COLEC10: variants seen among roughly 807,000 people sequenced by gnomAD.
COLEC10 encodes the protein collectin subfamily member 10, also known as collectin-10.
A neutral mutation model predicts 28.4 loss-of-function variants in COLEC10; 22 were observed. The observed-to-expected ratio is 0.78, with a 90% CI of 0.55 to 1.11. The LOEUF is 1.11. Ranked by LOEUF, COLEC10 falls within the 50% of genes least tolerant of loss-of-function variation. The probability of loss-of-function intolerance (pLI) is 0.00; values close to 1 mark genes in which losing one functional copy is unlikely to be tolerated. For missense variants in COLEC10, 361 were observed against 344.1 expected (o/e 1.05, Z -0.39); for synonymous variants, 125 against 116.1 (o/e 1.08, Z -0.49).
At chr8:118,978,959 C>G in the COLEC10 span, among the ~76,000 whole-genome samples, 1 of 151,826 alleles carries the variant, frequency 6.6e-6, no homozygotes, top group African/African-American at 2.4e-5. Flanking sequence ...ACCAGTTTGT[C>G]GCTTATCTTC....
intron 3 of COLEC10, 116 bp from the exon 4 acceptor site, chr8:119,102,217 TCCCTCCCTCCCTCCC>T: frequency 3.9e-5 from 1 of 25,566 alleles, no homozygotes; most frequent in Non-Finnish European, 7.2e-5. Flanking sequence ...CCTTCCTCCC[TCCCTCCCTCCCTCCC>T]TCCCTCCCTC....
intron 2 of COLEC10, among the ~76,000 whole-genome samples, chr8:119,059,224 A>G (rs1814812951): frequency 6.6e-6 from 1 of 151,390 alleles, no homozygotes; most frequent in South Asian, 2.1e-4. Flanking sequence ...TTGATGCAGT[A>G]TAATTCATCA....
the COLEC10 span, among the ~76,000 whole-genome samples, chr8:118,954,257 G>A: frequency 6.6e-6 from 1 of 152,214 alleles, no homozygotes; most frequent in Non-Finnish European, 1.5e-5. Context: ...ACTGTGTATT[G>A]ATTGTGCATC....
At chr8:118,989,240 G>T in the COLEC10 span, among the ~76,000 whole-genome samples, 1 of 152,070 alleles carries the variant, frequency 6.6e-6, no homozygotes, top group African/African-American at 2.4e-5. Context: ...CATTAGTAGC[G>T]TGGACATAGC....
the COLEC10 span, among the ~76,000 whole-genome samples, chr8:118,957,329 T>A: frequency 1.3e-5 from 2 of 152,228 alleles, no homozygotes; most frequent in Admixed American, 1.3e-4. Flanking sequence ...AGAGCGGTGA[T>A]GTCTATGACA....
chr8:119,046,042 T>C (rs574197436), intron 2 of COLEC10, among the ~76,000 whole-genome samples: 14 of 152,334 alleles, frequency 9.2e-5, no homozygotes, highest in African/African-American at 3.4e-4. Flanking sequence ...TAGCTTTGGT[T>C]GAGGGGTAGA....
intron 2 of COLEC10, among the ~76,000 whole-genome samples, chr8:119,050,734 C>A (rs926993361): frequency 7.9e-5 from 12 of 152,188 alleles, no homozygotes; most frequent in African/African-American, 2.6e-4. Context: ...AGGAAGTCTG[C>A]CACTGTGGAA....
intron 2 of COLEC10, among the ~76,000 whole-genome samples, chr8:119,090,648 G>A (rs1214406401): frequency 1.3e-5 from 2 of 152,190 alleles, no homozygotes; most frequent in African/African-American, 2.4e-5. Flanking sequence ...CCTAACCATA[G>A]TTTTTTGAAT....
intron 2 of COLEC10, among the ~76,000 whole-genome samples, chr8:119,016,490 T>G (rs2130096215): frequency 6.6e-6 from 1 of 152,282 alleles, no homozygotes; most frequent in South Asian, 2.1e-4. Flanking sequence ...TAAACATATG[T>G]GTGCATGTGT....
chr8:118,985,990 G>T, the COLEC10 span, among the ~76,000 whole-genome samples: 1 of 152,098 alleles, frequency 6.6e-6, no homozygotes, highest in Non-Finnish European at 1.5e-5. Context: ...CATCTTTGGA[G>T]CCAGAGTGCA....
At chr8:118,967,018 T>C in the COLEC10 span, among the ~76,000 whole-genome samples, 6 of 152,166 alleles carry the variant, frequency 3.9e-5, no homozygotes, top group Non-Finnish European at 7.4e-5. Context: ...TTTGAGTTCC[T>C]AGATTGCTCC....
chr8:118,961,019 G>A, the COLEC10 span, among the ~76,000 whole-genome samples: 1 of 151,996 alleles, frequency 6.6e-6, no homozygotes, highest in African/African-American at 2.4e-5. Flanking sequence ...CTTTAAGTAG[G>A]CATTATCAAC....
chr8:118,998,146 G>A (rs978386821), intron 1 of COLEC10, among the ~76,000 whole-genome samples: 9 of 135,556 alleles, frequency 6.6e-5, no homozygotes, highest in Non-Finnish European at 1.1e-4. Flanking sequence ...AACTCGCAAG[G>A]TTGACTTAAA....
chr8:119,028,887 C>A (rs1444686442), intron 2 of COLEC10, among the ~76,000 whole-genome samples: 1 of 152,094 alleles, frequency 6.6e-6, no homozygotes, highest in Non-Finnish European at 1.5e-5. Context: ...TTCATTTATT[C>A]ATTACTTTAT....
At chr8:119,105,776 A>G (rs1815924512) in intron 5 of COLEC10, 24 bp from the exon 6 acceptor site, 7 of 1,579,646 alleles carry the variant, frequency 4.4e-6, no homozygotes, top group Non-Finnish European at 5.2e-6. Flanking sequence ...ATACGTAATG[A>G]TACTCCTTTT....
At chr8:119,086,325 T>A (rs749549756) in intron 1 of COLEC10, among the ~76,000 whole-genome samples, 10 of 152,052 alleles carry the variant, frequency 6.6e-5, no homozygotes, top group Non-Finnish European at 1.0e-4. Context: ...TAAAATAGTG[T>A]AAATTGTCCT....
At chr8:118,975,961 G>A in the COLEC10 span, among the ~76,000 whole-genome samples, 14 of 152,018 alleles carry the variant, frequency 9.2e-5, no homozygotes, top group South Asian at 2.1e-4. Flanking sequence ...TAAGAATTGG[G>A]AAACTGATTC....
chr8:119,059,073 C>T (rs1374263067), intron 2 of COLEC10, among the ~76,000 whole-genome samples: 1 of 151,890 alleles, frequency 6.6e-6, no homozygotes, highest in African/African-American at 2.4e-5. Flanking sequence ...AAAATTTTGC[C>T]CATTTTTAAT....
the COLEC10 span, among the ~76,000 whole-genome samples, chr8:118,976,208 A>G: frequency 3.9e-5 from 6 of 152,142 alleles, no homozygotes; most frequent in Middle Eastern, 3.4e-3. Context: ...CTAGCTATTG[A>G]AATATGGTTT....
Sources: gnomAD v4.1 joint callset for allele counts (sites outside exome capture counted in the v4.1 genomes callset) on GRCh38, gnomAD v4.1.1 for gene constraint, MANE v1.5 for transcripts, NCBI Gene and HGNC (gene_info 2026-07-23, HGNC 2026-07-21) for gene names.